Variants in EVL observed in about 807,000 individuals in gnomAD.
EVL encodes the protein ena/VASP-like protein.
EVL carries 21 observed loss-of-function variants against 59.6 expected under a neutral mutation model. The observed-to-expected ratio is 0.35, with a 90% confidence interval of 0.25 to 0.51. The LOEUF (loss-of-function observed/expected upper bound fraction) is 0.51. EVL is among the 20% of genes least tolerant of loss of function. The pLI is 0.97. For synonymous variants in EVL, 198 were observed against 203.5 expected, an observed-to-expected ratio of 0.97 and a Z score of 0.23; for missense variants, 462 against 546.6, an observed-to-expected ratio of 0.85 and a Z score of 1.54.
intron 3 of EVL, among the ~76,000 whole-genome samples, chr14:100,099,815 C>T (rs959332701): frequency 2.0e-5 from 3 of 151,534 alleles, no homozygotes; most frequent in East Asian, 1.9e-4. Context: ...CCTTGTGATC[C>T]GCCCACCTTG....
intron 8 of EVL, chr14:100,135,038 T>C (rs1888684842): frequency 6.6e-6 from 1 of 152,284 alleles, no homozygotes; most frequent in Non-Finnish European, 1.5e-5. Context: ...ATCGCTTTCA[T>C]CGTGGCCCCC....
chr14:100,143,181 A>G (rs930642133), intron 13 of EVL, among the ~76,000 whole-genome samples: 2 of 152,074 alleles, frequency 1.3e-5, no homozygotes, highest in Non-Finnish European at 2.9e-5. Context: ...GGGAGGCAAG[A>G]GAGGACCCTG....
chr14:100,071,774 G>C (rs1171507620), intron 1 of EVL, among the ~76,000 whole-genome samples: 2 of 152,176 alleles, frequency 1.3e-5, no homozygotes, highest in Non-Finnish European at 2.9e-5. Flanking sequence ...TCTGGGTCTG[G>C]GAGGAGGATG....
chr14:99,976,808 C>A (rs2060773443), intron 1 of EVL, among the ~76,000 whole-genome samples: 1 of 152,148 alleles, frequency 6.6e-6, no homozygotes, highest in South Asian at 2.1e-4. Context: ...TACTCTCCAC[C>A]CCAGCGCCAA....
chr14:100,000,649 A>G (rs1008628706), intron 1 of EVL, among the ~76,000 whole-genome samples: 1 of 152,106 alleles, frequency 6.6e-6, no homozygotes, highest in African/African-American at 2.4e-5. Context: ...ATTCTTTTGC[A>G]TTTCTGATGA....
At chr14:100,076,690 C>G (rs766256886) in intron 1 of EVL, among the ~76,000 whole-genome samples, 23 of 152,060 alleles carry the variant, frequency 1.5e-4, no homozygotes, top group Admixed American at 3.9e-4. Context: ...GAAAAGTATC[C>G]CAGGCAGAGG....
intron 4 of EVL, among the ~76,000 whole-genome samples, chr14:100,125,004 GCA>G (rs141448450): frequency 1.3e-5 from 2 of 149,348 alleles, no homozygotes; most frequent in African/African-American, 2.5e-5. Flanking sequence ...ACACACATGC[GCA>G]CACACACACA....
intron 1 of EVL, chr14:100,019,784 C>A: frequency 1.7e-6 from 2 of 1,201,158 alleles, no homozygotes; most frequent in South Asian, 1.5e-5. Context: ...CTGGTTCTCA[C>A]AAAAAAAACA....
Position 100,124,959 on chromosome 14 carries a change from C to T in EVL, c.422+1357C>T, listed in dbSNP as rs117946419. 1.4e-3 allele frequency among the ~76,000 whole-genome samples: 210 copies of T among 152,074 alleles called. 3 individuals are homozygous for T. The highest frequency in any genetic ancestry group is 0.012 in the South Asian group (58 of 4,810). The stretch of plus-strand genomic sequence containing the variant: ...AGCTGCCCCCAGACGAGACCACGTA[C>T]GGACGGACACACACACCTGCTGCAA... On this transcript the variant is annotated intron_variant, in intron 4 of 13. Transcript: ENST00000392920.
In EVL at chr14:100,135,918, C is replaced by T; in HGVS notation, c.914C>T (p.Thr305Ile). 6.2e-7 allele frequency: 1 copy of T among 1,613,996 alleles called. No homozygotes were observed. The highest frequency in any genetic ancestry group is 8.5e-7 in the Non-Finnish European group (1 of 1,180,016). The change falls in exon 9 of 14, where the codon ACC becomes ATC. Residue 305 changes from threonine (T) to isoleucine (I), a missense_variant. By Grantham distance (89) the Thr-to-Ile change is moderately conservative (BLOSUM62 -1). Coordinates refer to ENST00000392920, the MANE Select transcript of EVL (RefSeq NM_016337.3). Reference sequence around the variant, plus strand: ...TCTCCATTTTAGGAAGATCCTAGTACCTCCCCCTCTCCGGGGACCCGAGCA... The same window carrying T: ...TCTCCATTTTAGGAAGATCCTAGTATCTCCCCCTCTCCGGGGACCCGAGCA... ...EDESQMEDPS[T>I]SPSPGTRAAS...
At chr14:100,035,809 A>G (rs916982433) in intron 1 of EVL, among the ~76,000 whole-genome samples, 1 of 152,176 alleles carries the variant, frequency 6.6e-6, no homozygotes, top group African/African-American at 2.4e-5. Context: ...AGCATTTTCT[A>G]TTCAACAGTA....
intron 1 of EVL, among the ~76,000 whole-genome samples, chr14:100,053,274 T>C (rs1353695533): frequency 6.6e-6 from 1 of 152,190 alleles, no homozygotes. Context: ...TTTTTTATGC[T>C]TTTTCTCCTC....
At chr14:100,009,180 T>G (rs2061001159) in intron 1 of EVL, among the ~76,000 whole-genome samples, 1 of 152,192 alleles carries the variant, frequency 6.6e-6, no homozygotes, top group Non-Finnish European at 1.5e-5. Flanking sequence ...ACTTGTAGAT[T>G]AGGAAGGGGT....
At chr14:100,010,137 G>C (rs757442118) in intron 1 of EVL, among the ~76,000 whole-genome samples, 25 of 152,200 alleles carry the variant, frequency 1.6e-4, no homozygotes, top group Non-Finnish European at 3.1e-4. Flanking sequence ...ATAGAATGCA[G>C]ATTTTTCCCA....
chr14:100,012,631 A>G (rs781704558), intron 1 of EVL, among the ~76,000 whole-genome samples: 10 of 152,188 alleles, frequency 6.6e-5, no homozygotes, highest in Non-Finnish European at 1.5e-4. Flanking sequence ...AATTAACTCA[A>G]CAGATGAACA....
chr14:100,068,011 G>T (rs1438498027), intron 1 of EVL, among the ~76,000 whole-genome samples: 1 of 152,200 alleles, frequency 6.6e-6, no homozygotes, highest in African/African-American at 2.4e-5. Flanking sequence ...GCTGCTCTGG[G>T]TGCTAGGGAC....
At chr14:100,032,975 C>G (rs1414720380) in intron 1 of EVL, among the ~76,000 whole-genome samples, 1 of 151,762 alleles carries the variant, frequency 6.6e-6, no homozygotes, top group Non-Finnish European at 1.5e-5. Context: ...TGTCATGTCA[C>G]AGGCCCTAGA....
intron 1 of EVL, among the ~76,000 whole-genome samples, chr14:100,002,645 A>G (rs1315493753): frequency 2.6e-5 from 4 of 152,244 alleles, no homozygotes; most frequent in Admixed American, 2.6e-4. Flanking sequence ...GGAACCTAAT[A>G]TCTTAAAAGA....
At chr14:100,039,559 C>CT (rs1173441467) in intron 1 of EVL, among the ~76,000 whole-genome samples, 1 of 152,122 alleles carries the variant, frequency 6.6e-6, no homozygotes, top group African/African-American at 2.4e-5. Flanking sequence ...TAAAGCAAAA[C>CT]TTTAAGTCAC....
Sources: allele counts gnomAD v4.1 joint callset (sites outside exome capture counted in the v4.1 genomes callset), GRCh38; gene constraint gnomAD v4.1.1; transcripts MANE v1.5; gene names NCBI Gene and HGNC (gene_info 2026-07-23, HGNC 2026-07-21).